The following PVALB variants were observed in gnomAD, a reference collection of about 807,000 sequenced individuals.
PVALB encodes the protein parvalbumin alpha.
A neutral mutation model predicts 10.9 loss-of-function variants in PVALB; 11 were observed. The observed-to-expected ratio is 1.01, with a 90% confidence interval of 0.63 to 1.67. The LOEUF (loss-of-function observed/expected upper bound fraction) is 1.67. Ranked by LOEUF, PVALB falls within the 40% of genes most tolerant of loss-of-function variation. The pLI is 0.00. For synonymous variants in PVALB, 57 were observed against 50.7 expected (o/e 1.12, Z -0.53); for missense variants, 131 against 136.2 (o/e 0.96, Z 0.19).
At chr22:36,810,541 C>T in intron 3 of PVALB, among the ~76,000 whole-genome samples, 1 of 152,160 alleles carries the variant, frequency 6.6e-6, no homozygotes. Context: ...CCTATGAGCT[C>T]AATGGAGGCT....
intron 3 of PVALB, among the ~76,000 whole-genome samples, chr22:36,810,873 G>T (rs1939034799): frequency 6.6e-6 from 1 of 152,224 alleles, no homozygotes; most frequent in African/African-American, 2.4e-5. Context: ...CTGTGGCTTA[G>T]CCTCCAAGTC....
upstream of PVALB, among the ~76,000 whole-genome samples, chr22:36,819,248 A>C (rs1179481857): frequency 1.3e-5 from 2 of 152,110 alleles, no homozygotes; most frequent in Non-Finnish European, 2.9e-5. Context: ...CCACACCAGG[A>C]GTCTGGGTGG....
intron 1 of PVALB, among the ~76,000 whole-genome samples, 175 bp downstream of exon 1, chr22:36,816,770 C>G (rs7286330): frequency 1.3e-3 from 201 of 152,290 alleles, no homozygotes; most frequent in African/African-American, 3.1e-3. Flanking sequence ...AAGCCTCGCC[C>G]GGACAGAGTT....
intron 3 of PVALB, among the ~76,000 whole-genome samples, chr22:36,806,477 C>T (rs1411243135): frequency 3.9e-5 from 6 of 152,194 alleles, no homozygotes; most frequent in Admixed American, 6.5e-5. Flanking sequence ...GAGCAACACA[C>T]GCTGATGGCC....
chr22:36,815,298 TG>T (rs1221279819), intron 1 of PVALB, 63 bp from the exon 2 acceptor site: 5 of 1,594,740 alleles, frequency 3.1e-6, no homozygotes, highest in Non-Finnish European at 4.3e-6. Context: ...CCTGGGAGAA[TG>T]GGGGGCATCA....
intron 1 of PVALB, 113 bp downstream of exon 1, chr22:36,816,832 A>G (rs1056524860): frequency 3.5e-6 from 3 of 857,766 alleles, no homozygotes; most frequent in African/African-American, 1.8e-5. Context: ...CCCAGCGGGA[A>G]GTGTGGGCAG....
chr22:36,804,030 G>T (rs761022610), intron 3 of PVALB, among the ~76,000 whole-genome samples: 2 of 152,206 alleles, frequency 1.3e-5, no homozygotes, highest in Non-Finnish European at 2.9e-5. Flanking sequence ...GGCATTCCCT[G>T]TTTGGGGGCA....
At chr22:36,802,603 C>CACAA (rs1222848851) in intron 3 of PVALB, among the ~76,000 whole-genome samples, 19 of 27,684 alleles carry the variant, frequency 6.9e-4, no homozygotes, top group South Asian at 1.5e-3. Context: ...CCATCTCACA[C>CACAA]AAAAAAAAAA....
chr22:36,814,268 AGTGTGTGTGT>A (rs36215449), intron 2 of PVALB, among the ~76,000 whole-genome samples: 71,484 of 148,022 alleles, frequency 0.48, 19,867 homozygotes, highest in Middle Eastern at 0.65. Flanking sequence ...AGCCTCTGTG[AGTGTGTGTGT>A]GTGTGTGTGT....
At position 36,815,186 on chromosome 22, in the gene PVALB, C is replaced by T; in HGVS notation, c.111G>A (p.Lys37=). The T allele has an allele frequency of 6.2e-7, 1 of 1,614,228 alleles. No homozygotes were observed. Among genetic ancestry groups the T allele is most frequent in the Middle Eastern group, 1.6e-4 (1 of 6,062 alleles). Residue 37 remains lysine (K), a synonymous_variant, in exon 2 of 4, where the codon AAG becomes AAA. Coordinates refer to ENST00000417718, the MANE Select transcript of PVALB (RefSeq NM_001315532.2). The stretch of plus-strand genomic sequence containing the variant: ...TCTTCACATCATCCGCACTCTTTTT[C>T]TTCAGGCCGACCATTTGGAAGAACT... ...HKKFFQMVGL[K]KKSADDVKKV...
intron 2 of PVALB, 87 bp from the exon 3 acceptor site, chr22:36,813,842 T>C: frequency 9.7e-7 from 1 of 1,029,956 alleles, no homozygotes; most frequent in Non-Finnish European, 1.5e-6. Context: ...CTGGTTTCTG[T>C]ATGGGGAAAG....
chr22:36,802,357 C>T (rs12159680), intron 3 of PVALB, among the ~76,000 whole-genome samples: 60,240 of 151,640 alleles, frequency 0.4, 12,206 homozygotes, highest in Non-Finnish European at 0.43. Context: ...AATCCCAGCA[C>T]TTTGGGAGGC....
chr22:36,806,917 G>A (rs933444217), intron 3 of PVALB, among the ~76,000 whole-genome samples: 9 of 152,116 alleles, frequency 5.9e-5, no homozygotes, highest in Admixed American at 5.9e-4. Flanking sequence ...GAGTTAAATG[G>A]TCCTGGTTCT....
chr22:36,807,778 C>A (rs775072548), intron 3 of PVALB, among the ~76,000 whole-genome samples: 25 of 152,190 alleles, frequency 1.6e-4, no homozygotes, highest in Admixed American at 4.6e-4. Context: ...TGCTCCACCA[C>A]AGCCCAAGGC....
In PVALB at chr22:36,800,902, C is replaced by T. The variant is rs1256003240; in HGVS notation, c.321G>A (p.Val107=). 6 of 1,611,516 alleles carry T rather than the reference C, an allele frequency of 3.7e-6. No individual in the cohort carries two copies. Among genetic ancestry groups the T allele is most frequent in the Non-Finnish European group, 5.1e-6 (6 of 1,177,898 alleles). ...KIGVDEFSTL[V]AES Reference sequence around the variant, plus strand: ...CAGTCAGTGCTTCTTAGCTTTCAGCCACCAGAGTGGAGAATTCTGCAGAAC... The same window carrying T: ...CAGTCAGTGCTTCTTAGCTTTCAGCTACCAGAGTGGAGAATTCTGCAGAAC... The change falls in exon 4 of 4, where the codon GTG becomes GTA. Residue 107 remains valine, a synonymous_variant. Coordinates refer to ENST00000417718, the MANE Select transcript of PVALB (RefSeq NM_001315532.2).
upstream of PVALB, among the ~76,000 whole-genome samples, chr22:36,818,093 G>C (rs1394003981): frequency 6.6e-6 from 1 of 152,146 alleles, no homozygotes; most frequent in Non-Finnish European, 1.5e-5. Context: ...TCTAGAGTGT[G>C]TGAGCGCTGG....
At chr22:36,816,806 C>A in intron 1 of PVALB, 139 bp downstream of exon 1, 1 of 678,048 alleles carries the variant, frequency 1.5e-6, no homozygotes, top group Non-Finnish European at 2.3e-6. Context: ...ACGCCCCCGC[C>A]CCGACCTCGC....
At chr22:36,805,131 G>A (rs1193304303) in intron 3 of PVALB, among the ~76,000 whole-genome samples, 1 of 152,152 alleles carries the variant, frequency 6.6e-6, no homozygotes, top group Non-Finnish European at 1.5e-5. Flanking sequence ...CTTTTCTTAT[G>A]AGTGAGTGTT....
At chr22:36,812,761 G>T (rs1054065859) in intron 3 of PVALB, among the ~76,000 whole-genome samples, 23 of 152,230 alleles carry the variant, frequency 1.5e-4, no homozygotes, top group Non-Finnish European at 3.2e-4. Context: ...AGCTTAGTAT[G>T]TTGCAAACAC....
Sources: allele counts gnomAD v4.1 joint callset (sites outside exome capture counted in the v4.1 genomes callset), GRCh38; gene constraint gnomAD v4.1.1; transcripts MANE v1.5; gene names NCBI Gene and HGNC (gene_info 2026-07-23, HGNC 2026-07-21).